The following CAMKMT variants were observed in gnomAD, a reference collection of about 807,000 sequenced individuals.
CAMKMT encodes the protein calmodulin-lysine N-methyltransferase.
Under a neutral mutation model 48.0 loss-of-function variants are expected in CAMKMT, and 53 were observed. The ratio of observed to expected loss-of-function variants is 1.10; its 90% CI spans 0.89 to 1.39. The LOEUF (loss-of-function observed/expected upper bound fraction) is 1.39. Ranked by LOEUF, CAMKMT falls within the 40% of genes most tolerant of loss-of-function variation. The probability of loss-of-function intolerance (pLI) is 0.00; values close to 1 mark genes in which losing one functional copy is unlikely to be tolerated. For missense variants in CAMKMT, 428 were observed against 402.7 expected (o/e 1.06, Z -0.54); for synonymous variants, 165 against 152.3 (o/e 1.08, Z -0.61).
Position 44,653,831 on chromosome 2 carries a change from C to A in CAMKMT, c.377-50452C>A, listed in dbSNP as rs933077108. Among the ~76,000 whole-genome samples the A allele has an allele frequency of 6.6e-6, 1 of 152,142 alleles. No homozygotes were observed. The highest frequency in any genetic ancestry group is 1.9e-4 in the East Asian group (1 of 5,200). On this transcript the variant is annotated intron_variant, in intron 3 of 10. Coordinates refer to ENST00000378494, the MANE Select transcript of CAMKMT (RefSeq NM_024766.5). This position sits in a 1 kb window ranked among gnomAD's most constrained non-coding sequence, Gnocchi z 5.2. Reference sequence around the variant, plus strand: ...ATCTCATCGAGTGCCTAGAACAAAACTGACACATAGTAGACATCAATTAAT... The same window carrying A: ...ATCTCATCGAGTGCCTAGAACAAAAATGACACATAGTAGACATCAATTAAT...
At chr2:44,417,480 G>A (rs969077496) in intron 3 of CAMKMT, among the ~76,000 whole-genome samples, 32 of 152,132 alleles carry the variant, frequency 2.1e-4, no homozygotes, top group Non-Finnish European at 2.2e-4. Flanking sequence ...GGTTGTTTCC[G>A]GTTTTGGGCT....
chr2:44,684,008 G>T (rs992466569), intron 3 of CAMKMT, among the ~76,000 whole-genome samples: 4 of 152,090 alleles, frequency 2.6e-5, no homozygotes, highest in African/African-American at 9.7e-5. Context: ...CTTCAATGCT[G>T]TTGGGCAGCA....
At chr2:44,530,112 G>A (rs1572725984) in intron 3 of CAMKMT, among the ~76,000 whole-genome samples, 1 of 152,156 alleles carries the variant, frequency 6.6e-6, no homozygotes, top group East Asian at 1.9e-4. Context: ...TCACTTCAAT[G>A]TCATAGTATT....
chr2:44,636,325 T>C (rs1481693340), intron 3 of CAMKMT, among the ~76,000 whole-genome samples: 1 of 152,194 alleles, frequency 6.6e-6, no homozygotes, highest in Non-Finnish European at 1.5e-5. Flanking sequence ...GGATGAGTTA[T>C]TCCAAATCAG....
chr2:44,517,515 C>G (rs554915463), intron 3 of CAMKMT, among the ~76,000 whole-genome samples: 23 of 152,296 alleles, frequency 1.5e-4, no homozygotes, highest in African/African-American at 5.5e-4. Context: ...ACAGAACTCT[C>G]TAATACCTCT....
chr2:44,737,834 C>T (rs77155847), intron 7 of CAMKMT, among the ~76,000 whole-genome samples: 2,558 of 151,494 alleles, frequency 0.017, 74 homozygotes, highest in African/African-American at 0.058. Context: ...GTTTCTTAGA[C>T]TCTCAGTTCC....
chr2:44,596,553 A>G (rs920626000), intron 3 of CAMKMT, among the ~76,000 whole-genome samples: 1 of 152,168 alleles, frequency 6.6e-6, no homozygotes, highest in African/African-American at 2.4e-5. Flanking sequence ...GAAATCTCTA[A>G]CAAGCCCCCC....
intron 3 of CAMKMT, among the ~76,000 whole-genome samples, chr2:44,541,044 T>C (rs1667079951): frequency 6.6e-6 from 1 of 152,212 alleles, no homozygotes; most frequent in African/African-American, 2.4e-5. Context: ...TATATTTCTG[T>C]ACCTTTTGTT....
At chr2:44,684,331 T>A (rs1484936543) in intron 3 of CAMKMT, among the ~76,000 whole-genome samples, 2 of 152,226 alleles carry the variant, frequency 1.3e-5, no homozygotes, top group African/African-American at 2.4e-5. Context: ...TTTTTGTATT[T>A]TTCCTAACAG....
intron 3 of CAMKMT, among the ~76,000 whole-genome samples, chr2:44,652,943 C>A (rs1010210939): frequency 3.3e-5 from 5 of 152,178 alleles, no homozygotes; most frequent in South Asian, 2.1e-4. Flanking sequence ...TGGCTGGTTG[C>A]CTGCTTCCCT....
intron 2 of CAMKMT, among the ~76,000 whole-genome samples, chr2:44,384,872 T>A (rs1477307787): frequency 6.6e-6 from 1 of 152,224 alleles, no homozygotes; most frequent in Non-Finnish European, 1.5e-5. Flanking sequence ...CACGCTGTTT[T>A]AGTGACTGTG....
intron 3 of CAMKMT, among the ~76,000 whole-genome samples, chr2:44,472,320 A>G (rs1286283906): frequency 6.6e-6 from 1 of 152,166 alleles, no homozygotes; most frequent in Non-Finnish European, 1.5e-5. Context: ...TAATCAGTGT[A>G]TGAAATTTGC....
chr2:44,601,496 A>G (rs913447508), intron 3 of CAMKMT, among the ~76,000 whole-genome samples: 1 of 151,934 alleles, frequency 6.6e-6, no homozygotes, highest in African/African-American at 2.4e-5. Context: ...AATAAATAAC[A>G]AAATTTTAAA....
intron 3 of CAMKMT, among the ~76,000 whole-genome samples, chr2:44,518,313 T>C (rs912873895): frequency 2.0e-5 from 3 of 152,354 alleles, no homozygotes; most frequent in African/African-American, 4.8e-5. Context: ...CTATTTGCAT[T>C]ATTCTTTATA....
At chr2:44,388,759 G>C (rs972287071) in intron 2 of CAMKMT, among the ~76,000 whole-genome samples, 1 of 152,132 alleles carries the variant, frequency 6.6e-6, no homozygotes, top group Non-Finnish European at 1.5e-5. Flanking sequence ...GAGCAGAACT[G>C]CTGTGATGTC....
chr2:44,373,954 C>T (rs967843719), intron 2 of CAMKMT, among the ~76,000 whole-genome samples: 8 of 101,296 alleles, frequency 7.9e-5, no homozygotes, highest in African/African-American at 1.6e-4. Flanking sequence ...CAAAACCCCA[C>T]CTTTACAAAA....
chr2:44,542,803 C>T (rs1046364723), intron 3 of CAMKMT, among the ~76,000 whole-genome samples: 7 of 151,898 alleles, frequency 4.6e-5, no homozygotes, highest in Non-Finnish European at 8.8e-5. Flanking sequence ...AGACAGAGAC[C>T]AGATAAAAGA....
At chr2:44,718,296 A>G (rs1558815897) in intron 7 of CAMKMT, among the ~76,000 whole-genome samples, 1 of 152,196 alleles carries the variant, frequency 6.6e-6, no homozygotes, top group Non-Finnish European at 1.5e-5. Flanking sequence ...TGTGAAAGAC[A>G]TGCTGGTGAA....
intron 3 of CAMKMT, among the ~76,000 whole-genome samples, chr2:44,615,863 C>T (rs1671860886): frequency 6.6e-6 from 1 of 152,120 alleles, no homozygotes; most frequent in Non-Finnish European, 1.5e-5. Context: ...TTAGGGAAGA[C>T]TCCAGGCAGA....
Sources: allele counts gnomAD v4.1 joint callset (sites outside exome capture counted in the v4.1 genomes callset), GRCh38; gene constraint gnomAD v4.1.1; non-coding constraint Gnocchi (gnomAD v3.1); transcripts MANE v1.5; gene names NCBI Gene and HGNC (gene_info 2026-07-23, HGNC 2026-07-21).